The following YIPF4 variants were observed in gnomAD, a reference collection of about 807,000 sequenced individuals.
YIPF4 encodes Yip1 domain family member 4, also known as protein YIPF4.
YIPF4 carries 18 observed loss-of-function variants against 29.4 expected under a neutral mutation model. The ratio of observed to expected loss-of-function variants is 0.61; its 90% confidence interval spans 0.42 to 0.91. The LOEUF (loss-of-function observed/expected upper bound fraction) is 0.91. YIPF4 is among the 40% of genes least tolerant of loss of function. The pLI is 0.00. For synonymous variants in YIPF4, 115 were observed against 104.7 expected (o/e 1.10, Z -0.60); for missense variants, 279 against 282.7 (o/e 0.99, Z 0.09).
Position 32,280,775 on chromosome 2 carries a change from C to G in YIPF4, c.79+2541C>G, listed in dbSNP as rs2030371684. Among the ~76,000 whole-genome samples, 4 of 152,222 alleles carry G rather than the reference C, an allele frequency of 2.6e-5. No individual in the cohort carries two copies. In the South Asian group the frequency reaches 6.2e-4, roughly 24 times the overall value. On this transcript the variant is annotated intron_variant, in intron 1 of 5. Transcript: ENST00000238831. ...TTGCTGGGATTACAGATGTGAGCTACCAGCCAAGCCGTAAATTTCTTTTAA... is the reference window on the plus strand; with the variant it reads ...TTGCTGGGATTACAGATGTGAGCTAGCAGCCAAGCCGTAAATTTCTTTTAA...
chr2:32,300,434 TAAAA>T (rs78248257), intron 4 of YIPF4, among the ~76,000 whole-genome samples: 2 of 120,648 alleles, frequency 1.7e-5, no homozygotes, highest in Non-Finnish European at 1.8e-5. Context: ...ACTCCGTCTT[TAAAA>T]AAAAAAAAAA....
intron 1 of YIPF4, among the ~76,000 whole-genome samples, chr2:32,285,580 G>A (rs1573526909): frequency 6.6e-6 from 1 of 151,562 alleles, no homozygotes; most frequent in East Asian, 1.9e-4. Context: ...TTCTTTGTTT[G>A]AAATTCCCCC....
chr2:32,301,499 A>G lies in YIPF4; in HGVS notation c.597+4A>G. On this transcript the variant is annotated splice_donor_region_variant and intron_variant, in intron 5 of 5. Transcript: ENST00000238831. The stretch of plus-strand genomic sequence containing the variant: ...AGTGGTGTCTACACTTATAAAAGTA[A>G]GTTAAGGATTATGTATTACATAGTT... 6.3e-7 allele frequency: 1 copy of G among 1,579,724 alleles called. No homozygotes were observed.
intron 1 of YIPF4, among the ~76,000 whole-genome samples, chr2:32,281,914 A>T (rs866454934): frequency 1.4e-5 from 2 of 145,516 alleles, no homozygotes; most frequent in African/African-American, 2.6e-5. Context: ...AAAAAAAAAA[A>T]AGGCAACCAT....
chr2:32,315,381 G>A lies in YIPF4; in HGVS notation c.*9755G>A, dbSNP rs555075098. ...ACATCCCAGCCCTGAGTGAAGTCAG[G>A]GATCTGTTAGGAAGAATGGATGCTA... On this transcript the variant is annotated 3_prime_UTR_variant, in exon 6 of 6. Transcript: ENST00000238831. 25 of 152,352 alleles carry A rather than the reference G, an allele frequency of 1.6e-4. No homozygotes were observed. The highest frequency in any genetic ancestry group is 5.5e-4 in the African/African-American group (23 of 41,570). 9.4% of individuals were successfully genotyped at this position (152,352 alleles called of 1,614,324 possible). A position where few individuals can be genotyped will look rare whatever the true frequency, so the allele number is the denominator to read the frequency against.
chr2:32,278,683 G>C (rs920535376), intron 1 of YIPF4, among the ~76,000 whole-genome samples: 2 of 152,078 alleles, frequency 1.3e-5, no homozygotes, highest in African/African-American at 4.8e-5. Flanking sequence ...GATCAGATTC[G>C]GCACTGCAAA....
intron 1 of YIPF4, among the ~76,000 whole-genome samples, chr2:32,288,973 A>G (rs1558475799): frequency 6.6e-6 from 1 of 152,218 alleles, no homozygotes; most frequent in Admixed American, 6.5e-5. Context: ...TACAAAAAAA[A>G]GAAGAAATAA....
intron 1 of YIPF4, among the ~76,000 whole-genome samples, chr2:32,288,397 G>A (rs2030770881): frequency 6.6e-6 from 1 of 152,076 alleles, no homozygotes; most frequent in Admixed American, 6.6e-5. Context: ...TTTAAGTACA[G>A]TCCTTTCTAG....
chr2:32,297,961 C>CTT lies in YIPF4; in HGVS notation c.406-265_406-264dup, dbSNP rs36079020. ...TAAGACAGGGGGTTGATAGTAAACACTTTTTTTTTGCAATAATCTTTTATC... is the reference window on the plus strand; with the variant it reads ...TAAGACAGGGGGTTGATAGTAAACACTTTTTTTTTTTGCAATAATCTTTTATC... On this transcript the variant is annotated intron_variant, in intron 3 of 5. Coordinates refer to ENST00000238831, the MANE Select transcript of YIPF4 (RefSeq NM_032312.4). Among the ~76,000 whole-genome samples, 4 of 151,178 alleles carry CTT rather than the reference C, an allele frequency of 2.6e-5. No homozygotes were observed. The South Asian group carries it at 8.3e-4, about 32-fold the overall frequency.
At chr2:32,279,088 C>T (rs1215837538) in intron 1 of YIPF4, among the ~76,000 whole-genome samples, 2 of 151,768 alleles carry the variant, frequency 1.3e-5, no homozygotes, top group East Asian at 2.0e-4. Flanking sequence ...CTGCCTCAGC[C>T]TCCCGAGTAG....
Position 32,279,598 on chromosome 2 carries a change from A to T in YIPF4, c.79+1364A>T, listed in dbSNP as rs577894500. Among the ~76,000 whole-genome samples the T allele has an allele frequency of 2.9e-4, 41 of 140,280 alleles. 1 individual carries two copies. The South Asian group carries it at 7.2e-3, about 25-fold the overall frequency. 92.0% of individuals were successfully genotyped at this position (140,280 alleles called of 152,430 possible). On this transcript the variant is annotated intron_variant, in intron 1 of 5. Coordinates refer to ENST00000238831, the MANE Select transcript of YIPF4 (RefSeq NM_032312.4). ...TTTTTTGTATTTTTTTTTAGTAGAG[A>T]CGGGGTTTCATAGTGTTAGCCAGGA...
intron 4 of YIPF4, 134 bp downstream of exon 4, chr2:32,298,445 T>A (rs1558480156): frequency 1.6e-6 from 1 of 618,748 alleles, no homozygotes; most frequent in East Asian, 2.8e-5. Flanking sequence ...TTTAAGATGA[T>A]CAACATATTA....
rs1024666738 is a variant in YIPF4 at position 32,316,042 on chromosome 2, C to CAAAAAAAAAAAAAAAAAAAAAAAAAAAAA, written c.*10431_*10432insAAAAAAAAAAAAAAAAAAAAAAAAAAAAA. 1 of 104,278 alleles carries CAAAAAAAAAAAAAAAAAAAAAAAAAAAAA rather than the reference C, an allele frequency of 9.6e-6. No homozygotes were observed. The highest frequency in any genetic ancestry group is 2.1e-5 in the Non-Finnish European group (1 of 48,228). 6.5% of individuals were successfully genotyped at this position (104,278 alleles called of 1,614,324 possible). A position where few individuals can be genotyped will look rare whatever the true frequency, so the allele number is the denominator to read the frequency against. On this transcript the variant is annotated 3_prime_UTR_variant, in exon 6 of 6. Coordinates refer to ENST00000238831, the MANE Select transcript of YIPF4 (RefSeq NM_032312.4). ...CCAAAAAGGAAAAAAAAAAAAAAAC[C>CAAAAAAAAAAAAAAAAAAAAAAAAAAAAA]AAAAAAAAAAAAAAAGTATAAAGCA...
intron 4 of YIPF4, among the ~76,000 whole-genome samples, chr2:32,299,964 C>T (rs1436839615): frequency 6.6e-6 from 1 of 151,566 alleles, no homozygotes; most frequent in East Asian, 2.0e-4. Flanking sequence ...GAAACCCCGT[C>T]TCTACTAAAA....
chr2:32,298,359 A>T (rs1363106121), intron 4 of YIPF4, 48 bp downstream of exon 4: 2 of 1,410,298 alleles, frequency 1.4e-6, no homozygotes, highest in Non-Finnish European at 2.0e-6. Flanking sequence ...TGGTGAGCTT[A>T]GTTTTTGATA....
In YIPF4 at chr2:32,310,674, T is replaced by A. The variant is rs140234173; in HGVS notation, c.*5048T>A. ...GGGAGGACTGTTTTGTGGCCAGGAGTTCAAAATCAGCCTGGTCGACGTAGT... is the reference window on the plus strand; with the variant it reads ...GGGAGGACTGTTTTGTGGCCAGGAGATCAAAATCAGCCTGGTCGACGTAGT... On this transcript the variant is annotated 3_prime_UTR_variant, in exon 6 of 6. Transcript: ENST00000238831. 245 of 151,432 alleles carry A rather than the reference T, an allele frequency of 1.6e-3. 1 individual carries two copies. The highest frequency in any genetic ancestry group is 5.9e-3 in the African/African-American group (242 of 41,256). 9.4% of individuals were successfully genotyped at this position (151,432 alleles called of 1,614,324 possible).
rs2030184314 is a variant in YIPF4 at position 32,278,125 on chromosome 2, T to C, written c.-31T>C. 1.9e-6 allele frequency: 3 copies of C among 1,540,936 alleles called. No homozygotes were observed. The highest frequency in any genetic ancestry group is 1.7e-6 in the Non-Finnish European group (2 of 1,143,400). On this transcript the variant is annotated 5_prime_UTR_variant, in exon 1 of 6. Coordinates refer to ENST00000238831, the MANE Select transcript of YIPF4 (RefSeq NM_032312.4). ...GGGTCTGGGCCCAGCCGCAGCCTCTTCTACCGCGGCCGGTTGGGAGTCGCC... is the reference window on the plus strand; with the variant it reads ...GGGTCTGGGCCCAGCCGCAGCCTCTCCTACCGCGGCCGGTTGGGAGTCGCC...
chr2:32,288,885 T>C (rs1558475745), intron 1 of YIPF4, among the ~76,000 whole-genome samples: 1 of 152,128 alleles, frequency 6.6e-6, no homozygotes, highest in South Asian at 2.1e-4. Flanking sequence ...GAGAATGGCT[T>C]GAACCTAGGA....
chr2:32,306,434 AC>A lies in YIPF4; in HGVS notation c.*809del. ...ATTAAAATCTTTACTATGTACAAAA[AC>A]AGTAATATTTACAGCATCAGTAAAT... On this transcript the variant is annotated 3_prime_UTR_variant, in exon 6 of 6. Coordinates refer to ENST00000238831, the MANE Select transcript of YIPF4 (RefSeq NM_032312.4). 1.0e-6 allele frequency: 1 copy of A among 984,144 alleles called. No homozygotes were observed. 61.0% of individuals were successfully genotyped at this position (984,144 alleles called of 1,614,324 possible). A position where few individuals can be genotyped will look rare whatever the true frequency, so the allele number is the denominator to read the frequency against.
Sources: gnomAD v4.1 joint callset for allele counts (sites outside exome capture counted in the v4.1 genomes callset) on GRCh38, gnomAD v4.1.1 for gene constraint, MANE v1.5 for transcripts, NCBI Gene and HGNC (gene_info 2026-07-23, HGNC 2026-07-21) for gene names.